The following SLC2A12 variants were observed in gnomAD, a reference collection of about 807,000 sequenced individuals.
The protein encoded by SLC2A12 is solute carrier family 2 member 12.
A neutral mutation model predicts 41.8 loss-of-function variants in SLC2A12; 23 were observed. The ratio of observed to expected loss-of-function variants is 0.55; its 90% CI spans 0.40 to 0.78. The LOEUF (loss-of-function observed/expected upper bound fraction) is 0.78. Among genes scored for constraint, SLC2A12 ranks in the 30% least tolerant of loss-of-function variants. The pLI is 0.00. For synonymous variants in SLC2A12, 295 were observed against 285.9 expected, an observed-to-expected ratio of 1.03 and a Z score of -0.32; for missense variants, 654 against 745.6, an observed-to-expected ratio of 0.88 and a Z score of 1.43.
intron 1 of SLC2A12, among the ~76,000 whole-genome samples, chr6:134,041,454 G>T (rs936598802): frequency 6.6e-6 from 1 of 151,956 alleles, no homozygotes; most frequent in Non-Finnish European, 1.5e-5. Context: ...CTGCCCTTCA[G>T]CCAGGGCAAC....
At chr6:134,027,315 C>T (rs1043801589) in intron 2 of SLC2A12, among the ~76,000 whole-genome samples, 1 of 152,178 alleles carries the variant, frequency 6.6e-6, no homozygotes, top group Non-Finnish European at 1.5e-5. Context: ...GAACCAGAGC[C>T]CTACATCTCC....
At chr6:134,014,537 T>C (rs913566701) in intron 2 of SLC2A12, among the ~76,000 whole-genome samples, 5 of 152,232 alleles carry the variant, frequency 3.3e-5, no homozygotes, top group African/African-American at 7.2e-5. Flanking sequence ...GAGATCATAT[T>C]TGATGTTGTA....
intron 2 of SLC2A12, among the ~76,000 whole-genome samples, chr6:134,007,763 T>G (rs1228841113): frequency 1.3e-5 from 2 of 152,188 alleles, no homozygotes; most frequent in Non-Finnish European, 2.9e-5. Context: ...ACAAACATTT[T>G]TACAACCTCA....
In SLC2A12 at chr6:133,991,154, A is replaced by T; in HGVS notation, c.*1T>A. ...TCCACGTTCAGAAGGTGTTGAGGCC[A>T]TTAGGTCTCTGGAGAAAGCTGCCTG... is the stretch of plus-strand genomic sequence containing the variant. On this transcript the variant is annotated 3_prime_UTR_variant, in exon 5 of 5. Transcript: ENST00000275230. The T allele has an allele frequency of 6.2e-7, 1 of 1,612,248 alleles. No homozygotes were observed. Among genetic ancestry groups the T allele is most frequent in the Non-Finnish European group, 8.5e-7 (1 of 1,179,524 alleles).
chr6:134,022,583 G>GAAA (rs1554207318), intron 2 of SLC2A12, among the ~76,000 whole-genome samples: 2 of 114,464 alleles, frequency 1.7e-5, no homozygotes, highest in African/African-American at 7.6e-5. Context: ...GAAAAGAAAA[G>GAAA]AAAAGAAAAG....
At chr6:134,023,876 A>G (rs1490551278) in intron 2 of SLC2A12, among the ~76,000 whole-genome samples, 2 of 152,142 alleles carry the variant, frequency 1.3e-5, no homozygotes, top group Non-Finnish European at 1.5e-5. Flanking sequence ...TGTTACTGTG[A>G]TGATTTTGTG....
intron 3 of SLC2A12, 66 bp downstream of exon 3, chr6:134,006,746 G>T: frequency 6.3e-7 from 1 of 1,591,664 alleles, no homozygotes; most frequent in Non-Finnish European, 8.6e-7. Flanking sequence ...TCTTTAGGTG[G>T]GTGTGATTCC....
At chr6:134,029,918 G>A (rs899153473) in intron 1 of SLC2A12, among the ~76,000 whole-genome samples, 197 bp from the exon 2 acceptor site, 2 of 152,064 alleles carry the variant, frequency 1.3e-5, no homozygotes, top group Admixed American at 6.5e-5. Flanking sequence ...TCTTTTTTGG[G>A]AGGATAGGCA....
At chr6:134,049,127 C>A (rs73776510) in intron 1 of SLC2A12, among the ~76,000 whole-genome samples, 9,367 of 152,236 alleles carry the variant, frequency 0.062, 642 homozygotes, top group African/African-American at 0.17. Context: ...GAACAACTGC[C>A]TTAGAATGTT....
intron 1 of SLC2A12, among the ~76,000 whole-genome samples, chr6:134,041,491 AAG>A (rs200450696): frequency 6.6e-6 from 1 of 151,996 alleles, no homozygotes; most frequent in African/African-American, 2.4e-5. Context: ...AACAAAAAAA[AAG>A]AGAGAGAGAG....
intron 2 of SLC2A12, among the ~76,000 whole-genome samples, chr6:134,025,446 C>T (rs1777100938): frequency 6.6e-6 from 1 of 152,172 alleles, no homozygotes; most frequent in Non-Finnish European, 1.5e-5. Flanking sequence ...ATTTGACATA[C>T]TAGGTGTCAA....
rs977791447 is a variant in SLC2A12 at position 133,988,529 on chromosome 6, A to G, written c.*2626T>C. On this transcript the variant is annotated 3_prime_UTR_variant, in exon 5 of 5. Transcript: ENST00000275230. ...CAACATCCTAATCTCCATATATAGT[A>G]CATTTTCCTTACTGTATTATAAAAT... The G allele has an allele frequency of 2.0e-5, 3 of 152,194 alleles. No homozygotes were observed. The highest frequency in any genetic ancestry group is 2.9e-5 in the Non-Finnish European group (2 of 68,020). The allele number at this position is 152,194 out of a possible 1,614,324, so 9.4% of individuals were successfully genotyped here.
chr6:133,991,115 GTGTTC>G lies in SLC2A12; in HGVS notation c.*35_*39del, dbSNP rs1361093888. ...CATTGGTCCAAAGACACCCTCCTAAGTGTTCTGGCACTATCCACGTTCAGAAGGTG... is the reference window on the plus strand; with the variant it reads ...CATTGGTCCAAAGACACCCTCCTAAGTGGCACTATCCACGTTCAGAAGGTG... On this transcript the variant is annotated 3_prime_UTR_variant, in exon 5 of 5. Coordinates refer to ENST00000275230, the MANE Select transcript of SLC2A12 (RefSeq NM_145176.3). The G allele has an allele frequency of 6.3e-7, 1 of 1,581,006 alleles. No homozygotes were observed. The highest frequency in any genetic ancestry group is 1.2e-5 in the South Asian group (1 of 85,230).
intron 2 of SLC2A12, among the ~76,000 whole-genome samples, chr6:134,022,544 A>AAAAG (rs1005037812): frequency 4.0e-5 from 1 of 24,982 alleles, no homozygotes; most frequent in Non-Finnish European, 7.2e-5. Context: ...AAAAGAAAAG[A>AAAAG]AAAGAAAAGA....
chr6:134,030,958 A>G (rs1455338534), intron 1 of SLC2A12, among the ~76,000 whole-genome samples: 2 of 152,228 alleles, frequency 1.3e-5, no homozygotes, highest in Non-Finnish European at 2.9e-5. Flanking sequence ...TCAAAATGCA[A>G]GACTGGCAAG....
chr6:134,023,436 T>A (rs1777072099), intron 2 of SLC2A12, among the ~76,000 whole-genome samples: 1 of 152,116 alleles, frequency 6.6e-6, no homozygotes, highest in Middle Eastern at 3.2e-3. Flanking sequence ...AGAACCCTGG[T>A]ACAAGAGGAA....
intron 1 of SLC2A12, among the ~76,000 whole-genome samples, chr6:134,033,127 A>C (rs1457924567): frequency 1.3e-5 from 2 of 151,960 alleles, no homozygotes; most frequent in Non-Finnish European, 2.9e-5. Context: ...AAAGGGCTTA[A>C]AGTGAATTTG....
intron 1 of SLC2A12, among the ~76,000 whole-genome samples, chr6:134,040,652 G>A (rs1320260378): frequency 6.6e-6 from 1 of 152,170 alleles, no homozygotes; most frequent in East Asian, 1.9e-4. Context: ...ACATCCATAG[G>A]CAGGAGACAA....
At chr6:134,038,858 C>A (rs1777342975) in intron 1 of SLC2A12, among the ~76,000 whole-genome samples, 1 of 151,906 alleles carries the variant, frequency 6.6e-6, no homozygotes, top group Non-Finnish European at 1.5e-5. Context: ...GTGCCTATCA[C>A]CACGCCTGGC....
Sources: allele counts gnomAD v4.1 joint callset (sites outside exome capture counted in the v4.1 genomes callset), GRCh38; gene constraint gnomAD v4.1.1; transcripts MANE v1.5; gene names NCBI Gene and HGNC (gene_info 2026-07-23, HGNC 2026-07-21).